Variants in ST3GAL2 observed in about 807,000 individuals in gnomAD.
The protein encoded by ST3GAL2 is ST3 beta-galactoside alpha-2,3-sialyltransferase 2.
ST3GAL2 carries 16 observed loss-of-function variants against 37.5 expected under a neutral mutation model. The observed-to-expected ratio is 0.43, with a 90% confidence interval of 0.29 to 0.65. The LOEUF is 0.65. Among genes scored for constraint, ST3GAL2 ranks in the 30% least tolerant of loss-of-function variants. The pLI, the probability that ST3GAL2 is intolerant of heterozygous loss-of-function variation, is 0.17. For missense variants in ST3GAL2, 383 were observed against 487.8 expected (o/e 0.79, Z 2.02); for synonymous variants, 238 against 202.9 (o/e 1.17, Z -1.47).
chr16:70,422,224 C>A (rs980273283), intron 1 of ST3GAL2, among the ~76,000 whole-genome samples: 3 of 152,214 alleles, frequency 2.0e-5, no homozygotes, highest in African/African-American at 7.2e-5. Flanking sequence ...TAATGCCTAC[C>A]TACTGACCTC....
At chr16:70,437,730 G>C (rs1286467429) in intron 1 of ST3GAL2, among the ~76,000 whole-genome samples, 1 of 152,130 alleles carries the variant, frequency 6.6e-6, no homozygotes, top group Non-Finnish European at 1.5e-5. Flanking sequence ...GCAGAAGCAA[G>C]ATGAAGCTTA....
intron 1 of ST3GAL2, among the ~76,000 whole-genome samples, chr16:70,411,981 C>T (rs989991129): frequency 2.7e-5 from 4 of 149,240 alleles, no homozygotes; most frequent in Admixed American, 2.0e-4. Flanking sequence ...GCAACAAGAG[C>T]GAAACTCCGT....
intron 1 of ST3GAL2, among the ~76,000 whole-genome samples, chr16:70,406,656 C>G (rs9939726): frequency 0.48 from 72,372 of 151,598 alleles, 17,442 homozygotes; most frequent in Non-Finnish European, 0.5. Flanking sequence ...GTGGCATGCG[C>G]CTGTAATCCC....
chr16:70,433,829 T>C (rs2047806935), intron 1 of ST3GAL2, among the ~76,000 whole-genome samples: 1 of 152,200 alleles, frequency 6.6e-6, no homozygotes, highest in African/African-American at 2.4e-5. Context: ...ATAGGATTCC[T>C]TACTACTTTC....
chr16:70,385,232 G>T (rs1251801528), intron 4 of ST3GAL2, among the ~76,000 whole-genome samples: 1 of 152,116 alleles, frequency 6.6e-6, no homozygotes, highest in Non-Finnish European at 1.5e-5. Flanking sequence ...TTGAACCCAG[G>T]TTGCAGTGAG....
chr16:70,394,751 G>T (rs1022842624), intron 3 of ST3GAL2, among the ~76,000 whole-genome samples: 1 of 152,164 alleles, frequency 6.6e-6, no homozygotes, highest in Non-Finnish European at 1.5e-5. Context: ...TCAGAGCCTT[G>T]GAAACAGAGT....
chr16:70,403,713 T>C (rs887582048), intron 1 of ST3GAL2, among the ~76,000 whole-genome samples: 8 of 152,166 alleles, frequency 5.3e-5, no homozygotes, highest in Non-Finnish European at 1.0e-4. Flanking sequence ...CTCGGGAGGC[T>C]GAGGCAGGAG....
Position 70,389,202 on chromosome 16 carries a change from C to CAAAAAAAAAAAAAAAAAAAAAAAAAA in ST3GAL2, c.534-682_534-657dup, listed in dbSNP as rs1160368910. Among the ~76,000 whole-genome samples, 10 of 27,362 alleles carry CAAAAAAAAAAAAAAAAAAAAAAAAAA rather than the reference C, an allele frequency of 3.7e-4. 4 individuals carry two copies. Among genetic ancestry groups the CAAAAAAAAAAAAAAAAAAAAAAAAAA allele is most frequent in the East Asian group, 4.4e-3 (2 of 450 alleles). 18.0% of individuals were successfully genotyped at this position (27,362 alleles called of 152,430 possible). A position where few individuals can be genotyped will look rare whatever the true frequency, so the allele number is the denominator to read the frequency against. ...AGACCACGGTGAAACCCCATCTCTA[C>CAAAAAAAAAAAAAAAAAAAAAAAAAA]AAAAAAAAAAAAAAAAAAAAAAAAA... On this transcript the variant is annotated intron_variant, in intron 3 of 6. Coordinates refer to ENST00000342907, the MANE Select transcript of ST3GAL2 (RefSeq NM_006927.4).
chr16:70,429,651 T>C (rs1276671637), intron 1 of ST3GAL2, among the ~76,000 whole-genome samples: 1 of 146,762 alleles, frequency 6.8e-6, no homozygotes, highest in African/African-American at 2.5e-5. Flanking sequence ...TTTTTTTTTT[T>C]TTTTTTTGAG....
At chr16:70,391,570 A>G (rs776532166) in intron 3 of ST3GAL2, among the ~76,000 whole-genome samples, 1 of 152,198 alleles carries the variant, frequency 6.6e-6, no homozygotes, top group Non-Finnish European at 1.5e-5. Context: ...CACAGTCTGT[A>G]TCTGCCTCCT....
chr16:70,431,751 C>T (rs1334251169), intron 1 of ST3GAL2, among the ~76,000 whole-genome samples: 3 of 151,614 alleles, frequency 2.0e-5, no homozygotes, highest in Non-Finnish European at 4.4e-5. Flanking sequence ...ATCACGAGGT[C>T]ATGAGATCGA....
intron 1 of ST3GAL2, among the ~76,000 whole-genome samples, chr16:70,409,712 T>G (rs1425883062): frequency 1.3e-5 from 2 of 151,962 alleles, no homozygotes; most frequent in Non-Finnish European, 2.9e-5. Flanking sequence ...GCAATCACAG[T>G]TGACTGTAGA....
In ST3GAL2 at chr16:70,381,587, C is replaced by G. The variant is rs1461208802; in HGVS notation, c.*102G>C. 1 of 1,427,192 alleles carries G rather than the reference C, an allele frequency of 7.0e-7. No individual in the cohort carries two copies. Among genetic ancestry groups the G allele is most frequent in the Non-Finnish European group, 9.4e-7 (1 of 1,062,436 alleles). The allele number at this position is 1,427,192 out of a possible 1,614,324, so 88.4% of individuals were successfully genotyped here. ...TGATTGGCGGGGCACAGCAGACGCC[C>G]CTGGGCTGCAGCATGATTGGTCGCG... On this transcript the variant is annotated 3_prime_UTR_variant, in exon 7 of 7. Coordinates refer to ENST00000342907, the MANE Select transcript of ST3GAL2 (RefSeq NM_006927.4).
intron 1 of ST3GAL2, among the ~76,000 whole-genome samples, chr16:70,406,475 C>T (rs1438664285): frequency 6.6e-6 from 1 of 152,028 alleles, no homozygotes; most frequent in Admixed American, 6.6e-5. Context: ...TATGCCACTG[C>T]ACTCCAGCCT....
chr16:70,428,398 TCTCTTCC>T lies in ST3GAL2; in HGVS notation c.-1004+10544_-1004+10550del, dbSNP rs556549764. Among the ~76,000 whole-genome samples, 384 of 152,280 alleles carry T rather than the reference TCTCTTCC, an allele frequency of 2.5e-3. 1 individual carries two copies. The highest frequency in any genetic ancestry group is 3.9e-3 in the Non-Finnish European group (262 of 68,022). On this transcript the variant is annotated intron_variant, in intron 1 of 6. Coordinates refer to ENST00000342907, the MANE Select transcript of ST3GAL2 (RefSeq NM_006927.4). ...GGGATTACAAAACTCAAGGAGTCTA[TCTCTTCC>T]CTCTTATCAGACTGACCTTTGGCAG...
At chr16:70,391,190 A>G (rs1195032958) in intron 3 of ST3GAL2, among the ~76,000 whole-genome samples, 1 of 152,136 alleles carries the variant, frequency 6.6e-6, no homozygotes, top group East Asian at 1.9e-4. Context: ...GTCCAGGATC[A>G]CTGTGCCCCC....
chr16:70,418,256 G>A (rs978619016), intron 1 of ST3GAL2, among the ~76,000 whole-genome samples: 1 of 152,154 alleles, frequency 6.6e-6, no homozygotes, highest in Non-Finnish European at 1.5e-5. Flanking sequence ...GAAACAATCA[G>A]GCCAGCTTCC....
In ST3GAL2 at chr16:70,381,530, T is replaced by G; in HGVS notation, c.*159A>C. On this transcript the variant is annotated 3_prime_UTR_variant, in exon 7 of 7. Transcript: ENST00000342907. ...AGCTCCGCCCGACCGCAGCGCAGATTGGTGCCAGGCCCGGCCGGTCCCCCA... is the reference window on the plus strand; with the variant it reads ...AGCTCCGCCCGACCGCAGCGCAGATGGGTGCCAGGCCCGGCCGGTCCCCCA... 1 of 826,354 alleles carries G rather than the reference T, an allele frequency of 1.2e-6. No individual in the cohort carries two copies. The highest frequency in any genetic ancestry group is 1.8e-6 in the Non-Finnish European group (1 of 545,544). 51.2% of individuals were successfully genotyped at this position (826,354 alleles called of 1,614,324 possible).
chr16:70,433,974 C>T (rs75803543), intron 1 of ST3GAL2, among the ~76,000 whole-genome samples: 287 of 152,328 alleles, frequency 1.9e-3, no homozygotes, highest in Non-Finnish European at 3.5e-3. Context: ...CCTTAGAGGC[C>T]CATCCCAAAT....
Sources: allele counts gnomAD v4.1 joint callset (sites outside exome capture counted in the v4.1 genomes callset), GRCh38; gene constraint gnomAD v4.1.1; transcripts MANE v1.5; gene names NCBI Gene and HGNC (gene_info 2026-07-23, HGNC 2026-07-21).